The following SLC4A1 variants were observed in gnomAD, a reference collection of about 807,000 sequenced individuals.
SLC4A1 encodes band 3 anion transport protein.
A neutral mutation model predicts 93.1 loss-of-function variants in SLC4A1; 29 were observed. The ratio of observed to expected loss-of-function variants is 0.31; its 90% CI spans 0.23 to 0.42. The LOEUF is 0.42. SLC4A1 is among the 20% of genes least tolerant of loss of function. The pLI, the probability that SLC4A1 is intolerant of heterozygous loss-of-function variation, is 1.00. For missense variants in SLC4A1, 965 were observed against 1,190.1 expected (o/e 0.81, Z 2.78); for synonymous variants, 469 against 497.2 (o/e 0.94, Z 0.76).
intron 4 of SLC4A1, 110 bp from the exon 5 acceptor site, chr17:44,260,925 C>T: frequency 1.6e-6 from 2 of 1,265,768 alleles, no homozygotes; most frequent in Non-Finnish European, 2.3e-6. Flanking sequence ...TCCCTGTGCT[C>T]AAGGGTCCGT....
rs373388521 is a variant in SLC4A1 at position 44,250,500 on chromosome 17, C to T, written c.2694G>A (p.Glu898=). The T allele has an allele frequency of 4.5e-5, 73 of 1,613,908 alleles. No individual in the cohort carries two copies. Among genetic ancestry groups the T allele is most frequent in the Non-Finnish European group, 5.8e-5 (69 of 1,179,996 alleles). Residue 898 remains glutamate (E), a synonymous_variant, in exon 20 of 20, where the codon GAG becomes GAA. Transcript: ENST00000262418. Reference sequence around the variant, plus strand: ...CTTCGTCGTATTCATCCCGACCTTCCTCCTCATCAAAGGTTGCCTTGGCAT... The same window carrying T: ...CTTCGTCGTATTCATCCCGACCTTCTTCCTCATCAAAGGTTGCCTTGGCAT... ...ADDAKATFDE[E]EGRDEYDEVA... is the part of the protein sequence containing the mutation.
chr17:44,252,092 G>C (rs547533616), intron 17 of SLC4A1, among the ~76,000 whole-genome samples: 1 of 117,458 alleles, frequency 8.5e-6, no homozygotes, highest in Non-Finnish European at 1.6e-5. Flanking sequence ...GTCTCACTCT[G>C]TTGCCCAGGC....
chr17:44,253,861 G>T (rs1052975730), intron 16 of SLC4A1, among the ~76,000 whole-genome samples: 1 of 151,318 alleles, frequency 6.6e-6, no homozygotes, highest in Non-Finnish European at 1.5e-5. Flanking sequence ...TAGTAGAAAC[G>T]GGGTTTCACC....
At position 44,258,584 on chromosome 17, in the gene SLC4A1, C is replaced by T; in HGVS notation, c.916G>A (p.Glu306Lys). 1.2e-6 allele frequency: 2 copies of T among 1,611,886 alleles called. No individual in the cohort carries two copies. Among genetic ancestry groups the T allele is most frequent in the African/African-American group, 1.3e-5 (1 of 74,888 alleles). Residue 306 changes from glutamate (E) to lysine (K), a missense_variant, in exon 10 of 20, where the codon GAG becomes AAG. Transcript: ENST00000262418. The surrounding 1 kb of genome is among the most constrained non-coding windows in gnomAD (Gnocchi z 6.1). The part of the protein sequence containing the change: ...IDAYMAQSRG[E>K]LLHSLEGFLD... ...AAGCCCTCTAGGGAGTGCAGCAGCTCCCCTCGGCTCTGAGCCATGTAGGCA... is the reference window on the plus strand; with the variant it reads ...AAGCCCTCTAGGGAGTGCAGCAGCTTCCCTCGGCTCTGAGCCATGTAGGCA...
At chr17:44,252,993 G>T in intron 17 of SLC4A1, 125 bp downstream of exon 17, 1 of 1,017,774 alleles carries the variant, frequency 9.8e-7, no homozygotes, top group Non-Finnish European at 1.5e-6. Flanking sequence ...CTGGGGAGAT[G>T]TGGGGAAGTG....
Position 44,250,533 on chromosome 17 carries a change from A to C in SLC4A1, c.2661T>G (p.Asp887Glu), listed in dbSNP as rs1456357591. Residue 887 changes from aspartate to glutamate, a missense_variant, in exon 20 of 20, where the codon GAT (aspartate) becomes GAG (glutamate). By Grantham distance (45) the Asp-to-Glu change is conservative (BLOSUM62 2). Coordinates refer to ENST00000262418, the MANE Select transcript of SLC4A1 (RefSeq NM_000342.4). ...CAAAGGTTGCCTTGGCATCATCAGC[A>C]TCCAGCTGGAGGGGAGGGACAGGAG... The part of the protein sequence containing the change: ...IFRNVELQCL[D>E]ADDAKATFDE... The C allele has an allele frequency of 3.1e-6, 5 of 1,613,298 alleles. No individual in the cohort carries two copies. Among genetic ancestry groups the C allele is most frequent in the Non-Finnish European group, 4.2e-6 (5 of 1,179,526 alleles).
chr17:44,251,724 T>C (rs1598295712), intron 17 of SLC4A1, 136 bp from the exon 18 acceptor site: 13 of 641,522 alleles, frequency 2.0e-5, no homozygotes, highest in Middle Eastern at 4.4e-4. Context: ...TCTTTTCTTT[T>C]TTTTTTTTTT....
In SLC4A1 at chr17:44,248,593, T is replaced by G. The variant is rs925960999; in HGVS notation, c.*1865A>C. 6.6e-6 allele frequency: 1 copy of G among 152,288 alleles called. No individual in the cohort carries two copies. The highest frequency in any genetic ancestry group is 2.4e-5 in the African/African-American group (1 of 41,440). 9.4% of individuals were successfully genotyped at this position (152,288 alleles called of 1,614,324 possible). A position where few individuals can be genotyped will look rare whatever the true frequency, so the allele number is the denominator to read the frequency against. On this transcript the variant is annotated 3_prime_UTR_variant, in exon 20 of 20. Transcript: ENST00000262418. ...TGGGCTCTTCACCAACCAAGGCCTT[T>G]TCTTGCACTGTCTCCTTTAATCCTT...
chr17:44,256,336 C>T (rs890974915), intron 13 of SLC4A1, among the ~76,000 whole-genome samples: 4 of 152,166 alleles, frequency 2.6e-5, no homozygotes, highest in Non-Finnish European at 4.4e-5. Context: ...GGTGTGTGTG[C>T]GAGCACACAT....
At chr17:44,255,628 G>C in intron 14 of SLC4A1, 45 bp downstream of exon 14, 1 of 1,594,916 alleles carries the variant, frequency 6.3e-7, no homozygotes, top group Non-Finnish European at 8.6e-7. Flanking sequence ...CTTTGGGCTG[G>C]GATAGGGCAG....
chr17:44,261,768 G>T, intron 3 of SLC4A1, 132 bp from the exon 4 acceptor site: 3 of 1,520,284 alleles, frequency 2.0e-6, no homozygotes, highest in Non-Finnish European at 2.7e-6. Flanking sequence ...CTGGGTCTCT[G>T]GTGCCGCATC....
intron 1 of SLC4A1, among the ~76,000 whole-genome samples, chr17:44,266,389 ATGGGGC>A (rs1272221992): frequency 6.6e-6 from 1 of 152,134 alleles, no homozygotes; most frequent in Non-Finnish European, 1.5e-5. Context: ...AGTCCCACCC[ATGGGGC>A]TGGGACTGTG....
Position 44,260,762 on chromosome 17 carries a change from T to C in SLC4A1, c.222A>G (p.Arg74=). 4.3e-6 allele frequency: 7 copies of C among 1,614,000 alleles called. No homozygotes were observed. Among genetic ancestry groups the C allele is most frequent in the Non-Finnish European group, 5.9e-6 (7 of 1,180,028 alleles). ...GCACCCAGCGCGCCGCCTCCATCCA[T>C]CTCAGCTCCTGGTTCTTTTCGTCCA... ...LVMDEKNQEL[R]WMEAARWVQL... is the part of the protein sequence containing the mutation. The change falls in exon 5 of 20, where the codon AGA becomes AGG. Residue 74 remains arginine, a synonymous_variant. Coordinates refer to ENST00000262418, the MANE Select transcript of SLC4A1 (RefSeq NM_000342.4).
intron 2 of SLC4A1, 29 bp downstream of exon 2, chr17:44,262,823 G>T (rs1267663883): frequency 6.8e-6 from 11 of 1,612,532 alleles, no homozygotes; most frequent in Non-Finnish European, 9.3e-6. Flanking sequence ...CTCCAGGTGG[G>T]AGCACTGCTG....
chr17:44,257,545 C>T lies in SLC4A1; in HGVS notation c.1432-1G>A. 1 of 1,613,988 alleles carries T rather than the reference C, an allele frequency of 6.2e-7. No homozygotes were observed. The highest frequency in any genetic ancestry group is 8.5e-7 in the Non-Finnish European group (1 of 1,180,014). ...ACTCTAGACCGTTGGTCTCGCAGAA[C>T]TGCAGGGTGGTCAGAAGAAGCCGGT... On this transcript the variant is annotated splice_acceptor_variant, in intron 12 of 19. Transcript: ENST00000262418. LOFTEE classifies it high-confidence loss of function.
intron 1 of SLC4A1, among the ~76,000 whole-genome samples, chr17:44,264,073 G>A (rs1302134605): frequency 6.6e-6 from 1 of 152,140 alleles, no homozygotes; most frequent in Non-Finnish European, 1.5e-5. Context: ...CATGATTACA[G>A]CTCACATCAG....
intron 6 of SLC4A1, 97 bp from the exon 7 acceptor site, chr17:44,260,029 G>T: frequency 6.7e-7 from 1 of 1,496,912 alleles, no homozygotes; most frequent in Non-Finnish European, 9.2e-7. Flanking sequence ...GACTGGGGTA[G>T]ACATCAAGGG....
chr17:44,262,196 G>T, intron 3 of SLC4A1: 1 of 429,590 alleles, frequency 2.3e-6, no homozygotes, highest in African/African-American at 2.1e-5. Flanking sequence ...AACAGGTCCT[G>T]CCTGGGGCTC....
At chr17:44,254,283 T>A (rs1263465706) in intron 16 of SLC4A1, among the ~76,000 whole-genome samples, 1 of 152,072 alleles carries the variant, frequency 6.6e-6, no homozygotes, top group Admixed American at 6.6e-5. Flanking sequence ...GCCACGTTTT[T>A]TTTTTCTTAA....
Sources: allele counts gnomAD v4.1 joint callset (sites outside exome capture counted in the v4.1 genomes callset), GRCh38; gene constraint gnomAD v4.1.1; non-coding constraint Gnocchi (gnomAD v3.1); transcripts MANE v1.5; gene names NCBI Gene and HGNC (gene_info 2026-07-23, HGNC 2026-07-21).